The following RNF217 variants were observed in gnomAD, a reference collection of about 807,000 sequenced individuals.
The protein encoded by RNF217 is E3 ubiquitin-protein ligase RNF217.
RNF217 carries 31 observed loss-of-function variants against 57.8 expected under a neutral mutation model. The ratio of observed to expected loss-of-function variants is 0.54; its 90% CI spans 0.40 to 0.72. The LOEUF (loss-of-function observed/expected upper bound fraction) is 0.72. Ranked by LOEUF, RNF217 falls within the 30% of genes least tolerant of loss-of-function variation. The pLI, the probability that RNF217 is intolerant of heterozygous loss-of-function variation, is 0.00. For missense variants in RNF217, 696 were observed against 708.3 expected (o/e 0.98, Z 0.20); for synonymous variants, 313 against 294.0 (o/e 1.06, Z -0.66).
chr6:124,987,076 T>C (rs902705611), intron 1 of RNF217, among the ~76,000 whole-genome samples: 4 of 152,180 alleles, frequency 2.6e-5, no homozygotes, highest in Non-Finnish European at 5.9e-5. Context: ...CATTCATAAT[T>C]TGGACGTTTT....
chr6:124,990,431 A>G (rs536911240), intron 1 of RNF217, among the ~76,000 whole-genome samples: 42 of 152,174 alleles, frequency 2.8e-4, no homozygotes, highest in Non-Finnish European at 4.7e-4. Flanking sequence ...TTTATAAGAG[A>G]TATCTCAAAT....
At chr6:124,984,985 G>C (rs928959174) in intron 1 of RNF217, among the ~76,000 whole-genome samples, 1 of 152,078 alleles carries the variant, frequency 6.6e-6, no homozygotes, top group Admixed American at 6.6e-5. Flanking sequence ...AAAAGACAAA[G>C]CACCCAATAG....
intron 1 of RNF217, among the ~76,000 whole-genome samples, chr6:125,030,982 T>C (rs551218620): frequency 6.6e-6 from 1 of 152,364 alleles, no homozygotes; most frequent in East Asian, 1.9e-4. Context: ...TCTTCTGAAA[T>C]GTAGGTGGAG....
Position 125,075,406 on chromosome 6 carries a change from C to A in RNF217, c.1282-1251C>A, listed in dbSNP as rs183854116. Among the ~76,000 whole-genome samples, 240 of 152,168 alleles carry A rather than the reference C, an allele frequency of 1.6e-3. 1 individual carries two copies. The highest frequency in any genetic ancestry group is 5.5e-3 in the African/African-American group (229 of 41,516). ...AAGAGGTTTAATTGACTCATGGTTC[C>A]GCATGCCTGGGGAGGCCTCAGGAAA... On this transcript the variant is annotated intron_variant, in intron 3 of 5. Coordinates refer to ENST00000521654, the MANE Select transcript of RNF217 (RefSeq NM_001286398.3).
At chr6:125,048,352 A>G in intron 2 of RNF217, 1 of 1,048,868 alleles carries the variant, frequency 9.5e-7, no homozygotes, top group South Asian at 1.3e-5. Flanking sequence ...GGTAACTTTA[A>G]GAGGAGTGAA....
chr6:125,045,087 T>A (rs113787744), intron 1 of RNF217, 124 bp from the exon 2 acceptor site: 12 of 638,524 alleles, frequency 1.9e-5, no homozygotes, highest in Middle Eastern at 5.4e-4. Flanking sequence ...CATTATGTTA[T>A]CTTAAAAATT....
intron 2 of RNF217, among the ~76,000 whole-genome samples, chr6:125,053,706 C>A (rs1267345342): frequency 6.6e-6 from 1 of 152,058 alleles, no homozygotes; most frequent in Non-Finnish European, 1.5e-5. Context: ...GGCGTACTTT[C>A]ATCTCAGTAT....
At chr6:125,048,659 C>T (rs1224867379) in intron 2 of RNF217, among the ~76,000 whole-genome samples, 1 of 152,014 alleles carries the variant, frequency 6.6e-6, no homozygotes, top group Non-Finnish European at 1.5e-5. Flanking sequence ...TGAGTAAGTG[C>T]TTCTCACATG....
intron 5 of RNF217, chr6:125,082,330 T>C (rs1788603469): frequency 4.9e-6 from 5 of 1,017,992 alleles, no homozygotes; most frequent in Non-Finnish European, 6.7e-6. Flanking sequence ...GTATGTCAAC[T>C]TGGGTTTAGC....
chr6:125,061,082 G>T (rs1406119977), intron 3 of RNF217, among the ~76,000 whole-genome samples: 1 of 151,954 alleles, frequency 6.6e-6, no homozygotes, highest in Middle Eastern at 3.2e-3. Flanking sequence ...GGCTTGCTTG[G>T]TTTGTTCTGG....
chr6:125,001,827 G>T (rs1784997915), intron 1 of RNF217, among the ~76,000 whole-genome samples: 1 of 152,192 alleles, frequency 6.6e-6, no homozygotes, highest in Admixed American at 6.5e-5. Context: ...TGAGTGGAAT[G>T]ATTCAAAGCA....
chr6:124,974,467 TA>T (rs1783883811), intron 1 of RNF217, among the ~76,000 whole-genome samples: 1 of 152,180 alleles, frequency 6.6e-6, no homozygotes, highest in Admixed American at 6.5e-5. Flanking sequence ...TGAAAGCTAT[TA>T]TCTTATAAAA....
Position 125,076,746 on chromosome 6 carries a change from C to G in RNF217, c.1371C>G (p.Arg457=). ...NFCYRCGERY[R]QLRFFGDHTS... ...GTTACCGATGTGGTGAGAGATACCGCCAGCTCCGATTTTTTGGAGACCACA... is the reference window on the plus strand; with the variant it reads ...GTTACCGATGTGGTGAGAGATACCGGCAGCTCCGATTTTTTGGAGACCACA... The change falls in exon 4 of 6, where the codon CGC becomes CGG. Residue 457 remains arginine (R), a synonymous_variant. Transcript: ENST00000521654. 1 of 1,613,578 alleles carries G rather than the reference C, an allele frequency of 6.2e-7. No homozygotes were observed. The highest frequency in any genetic ancestry group is 2.2e-5 in the East Asian group (1 of 44,862).
At chr6:125,055,798 A>G (rs2114578677) in intron 2 of RNF217, among the ~76,000 whole-genome samples, 1 of 152,270 alleles carries the variant, frequency 6.6e-6, no homozygotes, top group South Asian at 2.1e-4. Context: ...GGAAGGCTCC[A>G]TGTGATATTT....
At chr6:125,066,640 G>A (rs746495111) in intron 3 of RNF217, among the ~76,000 whole-genome samples, 17 of 152,112 alleles carry the variant, frequency 1.1e-4, no homozygotes, top group Non-Finnish European at 2.1e-4. Context: ...TACCTCAGTA[G>A]GTACTATCCC....
Position 124,963,322 on chromosome 6 carries a change from G to A in RNF217, c.778G>A (p.Val260Met), listed in dbSNP as rs1168604192. The stretch of plus-strand genomic sequence containing the variant: ...AGGGGATCCCTATGTGCCCCTCATG[G>A]TGCTGATGTGCCGGGTGTGCCTGGA... ...GVGDPYVPLM[V>M]LMCRVCLEDK... Residue 260 changes from valine (V) to methionine (M), a missense_variant, in exon 1 of 6, where the codon GTG (valine) becomes ATG (methionine). By Grantham distance (21) the Val-to-Met change is conservative. This residue lies in a region of RNF217 where 465 missense variants were observed against 386.8 expected (regional missense o/e 1.20). Coordinates refer to ENST00000521654, the MANE Select transcript of RNF217 (RefSeq NM_001286398.3). 6.5e-7 allele frequency: 1 copy of A among 1,535,266 alleles called. No individual in the cohort carries two copies. Among genetic ancestry groups the A allele is most frequent in the Non-Finnish European group, 8.7e-7 (1 of 1,146,564 alleles).
intron 1 of RNF217, among the ~76,000 whole-genome samples, chr6:124,984,948 T>C (rs1784320792): frequency 6.6e-6 from 1 of 152,192 alleles, no homozygotes; most frequent in African/African-American, 2.4e-5. Flanking sequence ...ATCCATAGTA[T>C]ATACAAACTC....
At chr6:124,996,070 A>G (rs963051955) in intron 1 of RNF217, among the ~76,000 whole-genome samples, 1 of 152,050 alleles carries the variant, frequency 6.6e-6, no homozygotes, top group Non-Finnish European at 1.5e-5. Context: ...AAGGCCATGA[A>G]TCTTTAACCT....
chr6:124,978,888 G>T (rs1357656439), intron 1 of RNF217, among the ~76,000 whole-genome samples: 2 of 152,160 alleles, frequency 1.3e-5, no homozygotes, highest in East Asian at 3.9e-4. Context: ...CAGCGGACAG[G>T]GCACCCTGAA....
Sources: gnomAD v4.1 joint callset for allele counts (sites outside exome capture counted in the v4.1 genomes callset) on GRCh38, gnomAD v4.1.1 for gene constraint, gnomAD v4.1.1 regional missense constraint, MANE v1.5 for transcripts, NCBI Gene and HGNC (gene_info 2026-07-23, HGNC 2026-07-21) for gene names.